Variants in FSTL5 observed in about 807,000 individuals in gnomAD.
The protein encoded by FSTL5 is follistatin-related protein 5.
Under a neutral mutation model 89.1 loss-of-function variants are expected in FSTL5, and 62 were observed. The ratio of observed to expected loss-of-function variants is 0.70; its 90% CI spans 0.57 to 0.86. The LOEUF (loss-of-function observed/expected upper bound fraction) is 0.86. Ranked by LOEUF, FSTL5 falls within the 40% of genes least tolerant of loss-of-function variation. FSTL5 has a pLI of 0.00. For missense variants in FSTL5, 1,057 were observed against 1,001.6 expected (o/e 1.06, Z -0.75); for synonymous variants, 383 against 346.2 (o/e 1.11, Z -1.18).
intron 2 of FSTL5, among the ~76,000 whole-genome samples, chr4:162,073,370 T>C (rs1382323307): frequency 6.6e-6 from 1 of 151,740 alleles, no homozygotes; most frequent in Non-Finnish European, 1.5e-5. Flanking sequence ...ATATGTGTCT[T>C]ACAATAAATT....
intron 13 of FSTL5, among the ~76,000 whole-genome samples, chr4:161,469,637 TCTA>T (rs1179093645): frequency 6.7e-5 from 8 of 119,510 alleles, no homozygotes; most frequent in Admixed American, 9.9e-5. Flanking sequence ...ACTTTATTTA[TCTA>T]TTTTTTTTTT....
At chr4:161,858,512 A>T (rs1731798057) in intron 4 of FSTL5, among the ~76,000 whole-genome samples, 1 of 152,200 alleles carries the variant, frequency 6.6e-6, no homozygotes. Context: ...AATCCAATGG[A>T]AGAGACAGAT....
At chr4:161,776,802 G>T (rs974693121) in intron 4 of FSTL5, among the ~76,000 whole-genome samples, 1 of 151,892 alleles carries the variant, frequency 6.6e-6, no homozygotes, top group Non-Finnish European at 1.5e-5. Context: ...GGCATACAAT[G>T]TGCAATGATT....
intron 3 of FSTL5, among the ~76,000 whole-genome samples, chr4:161,952,021 G>T (rs778219150): frequency 1.8e-4 from 28 of 151,890 alleles, no homozygotes; most frequent in Non-Finnish European, 1.6e-4. Flanking sequence ...CTCAGTGATG[G>T]TAATGAAAAT....
At chr4:161,923,786 T>C (rs1314909331) in intron 3 of FSTL5, among the ~76,000 whole-genome samples, 1 of 151,762 alleles carries the variant, frequency 6.6e-6, no homozygotes, top group Non-Finnish European at 1.5e-5. Flanking sequence ...TTAAATCCTT[T>C]CTCTTAAAGC....
chr4:161,413,671 C>A (rs1456316375), intron 15 of FSTL5, among the ~76,000 whole-genome samples: 1 of 151,988 alleles, frequency 6.6e-6, no homozygotes, highest in Non-Finnish European at 1.5e-5. Flanking sequence ...TGAAAGCTAC[C>A]CAGGTGTTCA....
At chr4:161,445,173 AG>A (rs989668460) in intron 15 of FSTL5, among the ~76,000 whole-genome samples, 17 of 152,100 alleles carry the variant, frequency 1.1e-4, no homozygotes, top group African/African-American at 3.6e-4. Context: ...GCTTTCAATG[AG>A]TATTGTGCAT....
chr4:161,953,076 A>G (rs1448791889), intron 3 of FSTL5, among the ~76,000 whole-genome samples: 2 of 151,760 alleles, frequency 1.3e-5, no homozygotes. Flanking sequence ...CTGAAGATAG[A>G]TGGCTGGATC....
At chr4:161,429,509 C>T (rs1021390402) in intron 15 of FSTL5, among the ~76,000 whole-genome samples, 1 of 152,112 alleles carries the variant, frequency 6.6e-6, no homozygotes, top group Non-Finnish European at 1.5e-5. Context: ...CCATTGAGTT[C>T]AGCACAGAAA....
At chr4:162,133,056 C>T (rs1018198513) in intron 1 of FSTL5, among the ~76,000 whole-genome samples, 2 of 152,182 alleles carry the variant, frequency 1.3e-5, no homozygotes, top group African/African-American at 4.8e-5. Flanking sequence ...CCTTCTCCTA[C>T]CTCACTCAGC....
chr4:161,913,839 A>C (rs931886247), intron 4 of FSTL5, among the ~76,000 whole-genome samples: 1 of 152,106 alleles, frequency 6.6e-6, no homozygotes, highest in South Asian at 2.1e-4. Flanking sequence ...ATTTACCCCA[A>C]TACCTGTACC....
At chr4:161,476,626 A>G (rs1342286189) in intron 13 of FSTL5, among the ~76,000 whole-genome samples, 1 of 152,184 alleles carries the variant, frequency 6.6e-6, no homozygotes, top group Non-Finnish European at 1.5e-5. Flanking sequence ...CCAACTGGTC[A>G]CTTTCTAATT....
At chr4:161,581,934 C>T (rs771948674) in intron 8 of FSTL5, among the ~76,000 whole-genome samples, 2 of 152,104 alleles carry the variant, frequency 1.3e-5, no homozygotes, top group South Asian at 2.1e-4. Context: ...GATCTAAAGA[C>T]GATTTGCTTT....
At chr4:161,893,114 G>T (rs1173384809) in intron 4 of FSTL5, among the ~76,000 whole-genome samples, 1 of 152,122 alleles carries the variant, frequency 6.6e-6, no homozygotes, top group Non-Finnish European at 1.5e-5. Context: ...TATACTTAAA[G>T]ATACTTCTGC....
intron 1 of FSTL5, among the ~76,000 whole-genome samples, chr4:162,152,381 T>C (rs1010748865): frequency 3.3e-5 from 5 of 152,190 alleles, no homozygotes; most frequent in African/African-American, 9.6e-5. Context: ...TCAAGTCTTA[T>C]TTTCTTTGTA....
intron 2 of FSTL5, among the ~76,000 whole-genome samples, chr4:162,105,508 T>G (rs1731190493): frequency 6.6e-6 from 1 of 152,196 alleles, no homozygotes; most frequent in Admixed American, 6.5e-5. Context: ...ACTCTGATTT[T>G]TTAATTATTC....
At chr4:161,411,579 A>G (rs1237033820) in intron 15 of FSTL5, among the ~76,000 whole-genome samples, 1 of 152,238 alleles carries the variant, frequency 6.6e-6, no homozygotes, top group Non-Finnish European at 1.5e-5. Flanking sequence ...AATCAAAAGC[A>G]GAAACCATAT....
intron 1 of FSTL5, among the ~76,000 whole-genome samples, chr4:162,116,643 T>C (rs1731653235): frequency 6.6e-6 from 1 of 152,148 alleles, no homozygotes; most frequent in Admixed American, 6.5e-5. Context: ...GTGCTAGATA[T>C]CAGGAAGCTG....
At chr4:161,990,545 ACT>A (rs1736082512) in intron 3 of FSTL5, among the ~76,000 whole-genome samples, 1 of 152,068 alleles carries the variant, frequency 6.6e-6, no homozygotes, top group Non-Finnish European at 1.5e-5. Context: ...TCTCTTATAA[ACT>A]CAACGTTAAC....
Sources: allele counts gnomAD v4.1 joint callset (sites outside exome capture counted in the v4.1 genomes callset), GRCh38; gene constraint gnomAD v4.1.1; transcripts MANE v1.5; gene names NCBI Gene and HGNC (gene_info 2026-07-23, HGNC 2026-07-21).